The following SLCO5A1 variants were observed in gnomAD, a reference collection of about 807,000 sequenced individuals.
The protein encoded by SLCO5A1 is solute carrier organic anion transporter family member 5A1, also known as organic anion transporter polypeptide-related protein 4.
SLCO5A1 carries 39 observed loss-of-function variants against 65.1 expected under a neutral mutation model. The ratio of observed to expected loss-of-function variants is 0.60; its 90% confidence interval spans 0.46 to 0.78. The LOEUF (loss-of-function observed/expected upper bound fraction) is 0.78, where lower values mean the gene tolerates loss of function less well. Ranked by LOEUF, SLCO5A1 falls within the 30% of genes least tolerant of loss-of-function variation. The pLI, the probability that SLCO5A1 is intolerant of heterozygous loss-of-function variation, is 0.00. For missense variants in SLCO5A1, 1,029 were observed against 1,069.4 expected, an observed-to-expected ratio of 0.96 and a Z score of 0.53; for synonymous variants, 438 against 415.7, an observed-to-expected ratio of 1.05 and a Z score of -0.65.
At chr8:69,826,184 A>G (rs1027984633) in intron 2 of SLCO5A1, among the ~76,000 whole-genome samples, 3 of 152,170 alleles carry the variant, frequency 2.0e-5, no homozygotes, top group Admixed American at 6.5e-5. Flanking sequence ...ACCCTAGAAG[A>G]AAACCTAGGC....
chr8:69,743,004 G>T (rs1816860325), intron 4 of SLCO5A1, among the ~76,000 whole-genome samples: 1 of 151,978 alleles, frequency 6.6e-6, no homozygotes. Flanking sequence ...GTTTCACCAT[G>T]TTAGCCAGGA....
At chr8:69,819,646 A>G (rs1820554262) in intron 2 of SLCO5A1, among the ~76,000 whole-genome samples, 1 of 152,182 alleles carries the variant, frequency 6.6e-6, no homozygotes, top group Admixed American at 6.5e-5. Flanking sequence ...TGCTTAGAAT[A>G]GTTGCTAATA....
intron 2 of SLCO5A1, among the ~76,000 whole-genome samples, chr8:69,803,733 A>T (rs183008454): frequency 2.0e-5 from 3 of 152,282 alleles, no homozygotes; most frequent in Admixed American, 1.3e-4. Context: ...TCACACATGT[A>T]ATCCCAACAC....
chr8:69,820,006 A>G (rs1358092662), intron 2 of SLCO5A1, among the ~76,000 whole-genome samples: 1 of 152,198 alleles, frequency 6.6e-6, no homozygotes, highest in Non-Finnish European at 1.5e-5. Context: ...TCTGCGTACT[A>G]GGGCAACCGT....
At chr8:69,737,124 T>C (rs1345606605) in intron 5 of SLCO5A1, among the ~76,000 whole-genome samples, 1 of 152,218 alleles carries the variant, frequency 6.6e-6, no homozygotes, top group Non-Finnish European at 1.5e-5. Context: ...TGTCTTTATA[T>C]GTATAAGATG....
At chr8:69,674,104 C>T (rs546421621) in intron 9 of SLCO5A1, among the ~76,000 whole-genome samples, 1 of 152,300 alleles carries the variant, frequency 6.6e-6, no homozygotes, top group East Asian at 1.9e-4. Flanking sequence ...ATATCTATGC[C>T]CCCTTTAAAT....
At chr8:69,762,183 T>TTTCTTTCTTTCC (rs1491223657) in intron 2 of SLCO5A1, among the ~76,000 whole-genome samples, 1 of 78,962 alleles carries the variant, frequency 1.3e-5, no homozygotes, top group African/African-American at 4.3e-5. Flanking sequence ...TCTTTCTTTC[T>TTTCTTTCTTTCC]TTCTTTCTTT....
At chr8:69,740,234 C>T (rs1244892240) in intron 4 of SLCO5A1, among the ~76,000 whole-genome samples, 1 of 152,186 alleles carries the variant, frequency 6.6e-6, no homozygotes, top group Non-Finnish European at 1.5e-5. Context: ...AGCTTTCAGC[C>T]TACAGCCCTC....
intron 2 of SLCO5A1, among the ~76,000 whole-genome samples, chr8:69,815,689 C>A (rs1242294016): frequency 3.4e-5 from 5 of 146,184 alleles, no homozygotes; most frequent in Admixed American, 6.7e-5. Flanking sequence ...CACACACACA[C>A]AAAATTACAT....
chr8:69,732,993 C>T (rs1425371237), intron 5 of SLCO5A1, among the ~76,000 whole-genome samples: 1 of 151,652 alleles, frequency 6.6e-6, no homozygotes, highest in Admixed American at 6.6e-5. Flanking sequence ...TACTTAAACC[C>T]TTCTGGCCCT....
chr8:69,668,696 C>T lies in SLCO5A1; in HGVS notation c.*4173G>A, dbSNP rs548914645. ...AGACACTTTCTGGCTCCAAGTGCAC[C>T]AAAGAGCGCAAGCTGGAATTGTGGA... is the stretch of plus-strand genomic sequence containing the variant. On this transcript the variant is annotated 3_prime_UTR_variant, in exon 10 of 10. Coordinates refer to ENST00000260126, the MANE Select transcript of SLCO5A1 (RefSeq NM_030958.3). 1 of 152,092 alleles carries T rather than the reference C, an allele frequency of 6.6e-6. No homozygotes were observed. Among genetic ancestry groups the T allele is most frequent in the South Asian group, 2.1e-4 (1 of 4,786 alleles). The allele number at this position is 152,092 out of a possible 1,614,324, so 9.4% of individuals were successfully genotyped here. A position where few individuals can be genotyped will look rare whatever the true frequency, so the allele number is the denominator to read the frequency against.
chr8:69,824,663 A>T (rs1188651229), intron 2 of SLCO5A1, among the ~76,000 whole-genome samples: 1 of 152,208 alleles, frequency 6.6e-6, no homozygotes, highest in Non-Finnish European at 1.5e-5. Context: ...AGAGTCCAGG[A>T]CCAGATGGAT....
At chr8:69,673,910 T>C (rs1288317212) in intron 9 of SLCO5A1, among the ~76,000 whole-genome samples, 1 of 152,210 alleles carries the variant, frequency 6.6e-6, no homozygotes, top group East Asian at 1.9e-4. Context: ...GGAACTTTAT[T>C]ATGGCATAAA....
intron 2 of SLCO5A1, among the ~76,000 whole-genome samples, chr8:69,781,788 G>A (rs1238685771): frequency 6.6e-6 from 1 of 151,938 alleles, no homozygotes; most frequent in Non-Finnish European, 1.5e-5. Flanking sequence ...CTCCCAAGTA[G>A]CTGGGATTAC....
chr8:69,679,337 T>TAA, intron 8 of SLCO5A1, 41 bp downstream of exon 8: 1 of 1,608,624 alleles, frequency 6.2e-7, no homozygotes, highest in Non-Finnish European at 8.5e-7. Context: ...CTGGAAATTA[T>TAA]AAGTACAGAA....
chr8:69,688,917 A>T (rs1332637277), intron 6 of SLCO5A1, among the ~76,000 whole-genome samples: 1 of 152,138 alleles, frequency 6.6e-6, no homozygotes, highest in Non-Finnish European at 1.5e-5. Flanking sequence ...TGCCACACTG[A>T]CTTCCACCAT....
intron 4 of SLCO5A1, among the ~76,000 whole-genome samples, chr8:69,749,105 C>G (rs554157211): frequency 2.0e-5 from 3 of 152,308 alleles, no homozygotes; most frequent in Admixed American, 1.3e-4. Context: ...TTTGCTGCGT[C>G]AAAAACTGAC....
intron 6 of SLCO5A1, among the ~76,000 whole-genome samples, chr8:69,682,733 A>G (rs1207756932): frequency 2.6e-5 from 4 of 152,206 alleles, no homozygotes; most frequent in African/African-American, 9.7e-5. Context: ...TAAAATGGAG[A>G]AAATACTTTT....
Position 69,832,812 on chromosome 8 carries a change from C to T in SLCO5A1, c.-139G>A. 1 of 975,506 alleles carries T rather than the reference C, an allele frequency of 1.0e-6. No individual in the cohort carries two copies. Among genetic ancestry groups the T allele is most frequent in the Non-Finnish European group, 1.5e-6 (1 of 678,624 alleles). The allele number at this position is 975,506 out of a possible 1,614,324, so 60.4% of individuals were successfully genotyped here. On this transcript the variant is annotated 5_prime_UTR_variant, in exon 2 of 10. Transcript: ENST00000260126. This position sits in a 1 kb window ranked among gnomAD's most constrained non-coding sequence, Gnocchi z 4.5. ...GGGCTGGGGGCGCAGGGCCGCGCAG[C>T]AGGGCATCCTCACCAGCTGCGAGGC...
Sources: gnomAD v4.1 joint callset for allele counts (sites outside exome capture counted in the v4.1 genomes callset) on GRCh38, gnomAD v4.1.1 for gene constraint, Gnocchi (gnomAD v3.1) non-coding constraint, MANE v1.5 for transcripts, NCBI Gene and HGNC (gene_info 2026-07-23, HGNC 2026-07-21) for gene names.